The following DOCK1 variants were observed in gnomAD, a reference collection of about 807,000 sequenced individuals.
DOCK1 encodes the protein dedicator of cytokinesis 1, also known as dedicator of cytokinesis protein 1.
In DOCK1, 138 loss-of-function variants were observed where a neutral mutation model predicts 262.7. The ratio of observed to expected loss-of-function variants is 0.53; its 90% confidence interval spans 0.46 to 0.61. The LOEUF is 0.61. Among genes scored for constraint, DOCK1 ranks in the 20% least tolerant of loss-of-function variants. The pLI is 0.00. For synonymous variants in DOCK1, 866 were observed against 867.4 expected (o/e 1.00, Z 0.03); for missense variants, 1,908 against 2,370.7 (o/e 0.80, Z 4.05).
chr10:126,955,612 A>G (rs1370400947), intron 1 of DOCK1, among the ~76,000 whole-genome samples: 1 of 152,008 alleles, frequency 6.6e-6, no homozygotes, highest in East Asian at 1.9e-4. Context: ...TCTGGGGTTA[A>G]AGGTGGTTCC....
chr10:127,421,492 A>C (rs1025914444), intron 46 of DOCK1, among the ~76,000 whole-genome samples: 3 of 152,188 alleles, frequency 2.0e-5, no homozygotes, highest in African/African-American at 7.2e-5. Flanking sequence ...TTCCCATCTT[A>C]AACATTTTTA....
intron 30 of DOCK1, among the ~76,000 whole-genome samples, chr10:127,341,810 A>G (rs1212867829): frequency 6.6e-6 from 1 of 152,262 alleles, no homozygotes; most frequent in East Asian, 1.9e-4. Context: ...TGTGACACAC[A>G]TATTTATTGT....
intron 27 of DOCK1, among the ~76,000 whole-genome samples, chr10:127,243,565 T>C (rs1393636793): frequency 6.6e-6 from 1 of 152,092 alleles, no homozygotes; most frequent in African/African-American, 2.4e-5. Flanking sequence ...TCTCCATTTT[T>C]CCTATCAACC....
intron 18 of DOCK1, among the ~76,000 whole-genome samples, 182 bp from the exon 19 acceptor site, chr10:127,037,537 G>C (rs2043720911): frequency 6.6e-6 from 1 of 152,216 alleles, no homozygotes; most frequent in East Asian, 1.9e-4. Context: ...ATGAATTCAA[G>C]TGTACTAGGT....
At chr10:127,232,881 G>A (rs562306919) in intron 27 of DOCK1, among the ~76,000 whole-genome samples, 16 of 152,148 alleles carry the variant, frequency 1.1e-4, no homozygotes, top group African/African-American at 2.2e-4. Flanking sequence ...ACTACTTTGC[G>A]GATTTACCTC....
At position 127,097,258 on chromosome 10, in the gene DOCK1, T is replaced by G. The variant is rs1250234760; in HGVS notation, c.2446-8973T>G. Reference sequence around the variant, plus strand: ...TTGTCCTTTTGGTTCAGTTTTGACCTCAGTTTCCCTCCCAAGAGTTGTGAT... The same window carrying G: ...TTGTCCTTTTGGTTCAGTTTTGACCGCAGTTTCCCTCCCAAGAGTTGTGAT... On this transcript the variant is annotated intron_variant, in intron 23 of 51. Transcript: ENST00000623213. Among the ~76,000 whole-genome samples the G allele has an allele frequency of 6.6e-5, 10 of 152,360 alleles. No homozygotes were observed. The East Asian group carries it at 1.9e-3, about 29-fold the overall frequency.
chr10:126,940,499 G>A (rs2034902572), intron 1 of DOCK1, among the ~76,000 whole-genome samples: 2 of 152,154 alleles, frequency 1.3e-5, no homozygotes, highest in Admixed American at 1.3e-4. Context: ...TGCCTCCCGG[G>A]TTCAAATGAT....
chr10:126,911,174 T>A (rs1190258936), intron 1 of DOCK1, among the ~76,000 whole-genome samples: 1 of 152,202 alleles, frequency 6.6e-6, no homozygotes, highest in Non-Finnish European at 1.5e-5. Flanking sequence ...AGTGTATATG[T>A]GATTGTAGAT....
chr10:127,385,110 T>TA (rs2066036747), intron 38 of DOCK1, among the ~76,000 whole-genome samples: 1 of 152,168 alleles, frequency 6.6e-6, no homozygotes, highest in South Asian at 2.1e-4. Flanking sequence ...AGCCCTTTTA[T>TA]AGATGCTCTA....
intron 38 of DOCK1, among the ~76,000 whole-genome samples, chr10:127,387,334 T>G (rs1316082683): frequency 6.6e-6 from 1 of 152,222 alleles, no homozygotes; most frequent in Non-Finnish European, 1.5e-5. Context: ...TCAGTTTTCC[T>G]TTTGCTGCCT....
intron 29 of DOCK1, among the ~76,000 whole-genome samples, chr10:127,266,766 C>T (rs1352804957): frequency 6.6e-6 from 1 of 152,166 alleles, no homozygotes; most frequent in Non-Finnish European, 1.5e-5. Flanking sequence ...CCCTAGAGTT[C>T]TCCATACCTG....
At chr10:127,179,580 G>T (rs1004586620) in intron 27 of DOCK1, among the ~76,000 whole-genome samples, 4 of 152,120 alleles carry the variant, frequency 2.6e-5, no homozygotes, top group African/African-American at 9.7e-5. Flanking sequence ...TGAATTTCTG[G>T]ACATTAAGAA....
chr10:127,158,276 G>A (rs2053270440), intron 27 of DOCK1, among the ~76,000 whole-genome samples: 1 of 152,198 alleles, frequency 6.6e-6, no homozygotes, highest in African/African-American at 2.4e-5. Context: ...CCATAAGGAA[G>A]AACAACCTAA....
At chr10:127,041,775 G>T (rs2044030423) in intron 19 of DOCK1, among the ~76,000 whole-genome samples, 1 of 152,246 alleles carries the variant, frequency 6.6e-6, no homozygotes, top group Admixed American at 6.5e-5. Flanking sequence ...GATAGCTCAT[G>T]ATGGTTTCCC....
chr10:127,237,124 C>T (rs1327152947), intron 27 of DOCK1, among the ~76,000 whole-genome samples: 2 of 151,968 alleles, frequency 1.3e-5, no homozygotes, highest in African/African-American at 2.4e-5. Flanking sequence ...TTTGGGAGGC[C>T]GAGGCGGGCA....
At chr10:127,111,827 C>T (rs553492720) in intron 25 of DOCK1, among the ~76,000 whole-genome samples, 5 of 152,200 alleles carry the variant, frequency 3.3e-5, no homozygotes, top group East Asian at 3.9e-4. Flanking sequence ...GAGTGTCAAC[C>T]GTCCATGAAT....
intron 11 of DOCK1, among the ~76,000 whole-genome samples, chr10:127,011,635 TG>T (rs1398069446): frequency 2.0e-5 from 3 of 152,166 alleles, no homozygotes; most frequent in Non-Finnish European, 2.9e-5. Flanking sequence ...GGGTGGTCTG[TG>T]TTCATAACAG....
At chr10:127,422,498 G>T (rs925119918) in intron 46 of DOCK1, among the ~76,000 whole-genome samples, 6 of 152,046 alleles carry the variant, frequency 3.9e-5, no homozygotes, top group Non-Finnish European at 8.8e-5. Flanking sequence ...ATTTTAATGA[G>T]TGAGAAGTTT....
intron 27 of DOCK1, among the ~76,000 whole-genome samples, chr10:127,218,907 C>T (rs1341095474): frequency 6.6e-6 from 1 of 152,158 alleles, no homozygotes; most frequent in Non-Finnish European, 1.5e-5. Flanking sequence ...CTTGTTGCTT[C>T]ATCCTCTGGA....
Sources: allele counts gnomAD v4.1 joint callset (sites outside exome capture counted in the v4.1 genomes callset), GRCh38; gene constraint gnomAD v4.1.1; transcripts MANE v1.5; gene names NCBI Gene and HGNC (gene_info 2026-07-23, HGNC 2026-07-21).